ACAP2: variants seen among roughly 807,000 people sequenced by gnomAD.
The protein encoded by ACAP2 is ArfGAP with coiled-coil, ankyrin repeat and PH domains 2.
ACAP2 carries 39 observed loss-of-function variants against 115.8 expected under a neutral mutation model. The ratio of observed to expected loss-of-function variants is 0.34; its 90% CI spans 0.26 to 0.44. The LOEUF (loss-of-function observed/expected upper bound fraction) is 0.44, where lower values mean the gene tolerates loss of function less well. Among genes scored for constraint, ACAP2 ranks in the 20% least tolerant of loss-of-function variants. The pLI is 1.00. For missense variants in ACAP2, 662 were observed against 927.6 expected, an observed-to-expected ratio of 0.71 and a Z score of 3.72; for synonymous variants, 289 against 315.8, an observed-to-expected ratio of 0.92 and a Z score of 0.90.
At chr3:195,428,038 G>C (rs1423322660) in intron 1 of ACAP2, among the ~76,000 whole-genome samples, 2 of 151,266 alleles carry the variant, frequency 1.3e-5, no homozygotes, top group Non-Finnish European at 2.9e-5. Flanking sequence ...CTCTAGAAAA[G>C]TAACATAAAA....
intron 15 of ACAP2, among the ~76,000 whole-genome samples, chr3:195,300,483 G>A (rs1456040433): frequency 2.0e-5 from 3 of 152,118 alleles, no homozygotes; most frequent in Non-Finnish European, 2.9e-5. Context: ...ATCAGAAACC[G>A]GTAGTGGTCT....
intron 1 of ACAP2, among the ~76,000 whole-genome samples, chr3:195,396,807 A>AAG (rs1711825789): frequency 6.6e-6 from 1 of 150,674 alleles, no homozygotes; most frequent in Non-Finnish European, 1.5e-5. Flanking sequence ...AAAAAAAAAA[A>AAG]AAAAAAAGAA....
In ACAP2 at chr3:195,289,148, T is replaced by C; in HGVS notation, c.2147A>G (p.Glu716Gly). 11 of 1,612,418 alleles carry C rather than the reference T, an allele frequency of 6.8e-6. No homozygotes were observed. The highest frequency in any genetic ancestry group is 9.3e-6 in the Non-Finnish European group (11 of 1,179,566). ...EGKDPLSIAVEAANADIVTLL... is the reference protein window; with the variant it reads ...EGKDPLSIAVGAANADIVTLL... ...GGTGACTATATCAGCATTGGCTGCT[T>C]CCACAGCTATGCTCAAAGGGTCTTT... Residue 716 changes from glutamate (E) to glycine (G), a missense_variant, in exon 21 of 23, where the codon GAA becomes GGA. This residue lies in a region of ACAP2 where 128 missense variants were observed against 200.2 expected (regional missense o/e 0.64). Transcript: ENST00000326793.
chr3:195,401,662 T>C (rs1229541583), intron 1 of ACAP2, among the ~76,000 whole-genome samples: 1 of 151,946 alleles, frequency 6.6e-6, no homozygotes, highest in Admixed American at 6.6e-5. Context: ...GAACTCTGTA[T>C]CCAAAACAAA....
chr3:195,431,297 T>C (rs569468352), intron 1 of ACAP2, among the ~76,000 whole-genome samples: 1 of 152,292 alleles, frequency 6.6e-6, no homozygotes, highest in East Asian at 1.9e-4. Context: ...CGGACACAGG[T>C]TGTTTCACTT....
chr3:195,391,253 G>C (rs1013104230), intron 2 of ACAP2, among the ~76,000 whole-genome samples: 7 of 142,222 alleles, frequency 4.9e-5, no homozygotes. Flanking sequence ...TTTTGAGATG[G>C]AGTTTCACTC....
intron 10 of ACAP2, among the ~76,000 whole-genome samples, chr3:195,311,948 ATAT>A (rs1728802061): frequency 6.6e-6 from 1 of 151,380 alleles, no homozygotes; most frequent in Admixed American, 6.6e-5. Flanking sequence ...TAAATTCTAA[ATAT>A]TATACTTTAA....
chr3:195,385,246 CAAAA>C (rs112932639), intron 2 of ACAP2, among the ~76,000 whole-genome samples: 1 of 118,730 alleles, frequency 8.4e-6, no homozygotes, highest in South Asian at 2.6e-4. Context: ...TCTCTGTATT[CAAAA>C]AAAAAAAAAA....
intron 1 of ACAP2, among the ~76,000 whole-genome samples, chr3:195,397,649 C>T (rs931687964): frequency 2.6e-5 from 4 of 151,362 alleles, no homozygotes; most frequent in Admixed American, 1.3e-4. Flanking sequence ...CGCTACTATA[C>T]TTCTTATTAG....
intron 4 of ACAP2, among the ~76,000 whole-genome samples, chr3:195,360,974 G>A (rs1337803267): frequency 7.8e-6 from 1 of 127,610 alleles, no homozygotes; most frequent in Non-Finnish European, 1.6e-5. Flanking sequence ...AAAACAAGTG[G>A]TAAGAAACTC....
intron 1 of ACAP2, 147 bp downstream of exon 1, chr3:195,442,648 C>A (rs1716105806): frequency 2.5e-6 from 2 of 809,562 alleles, no homozygotes; most frequent in Non-Finnish European, 3.7e-6. Context: ...GCAGTGCCCT[C>A]GCAGGGTGGG....
intron 1 of ACAP2, among the ~76,000 whole-genome samples, chr3:195,424,880 C>T (rs561004964): frequency 1.2e-3 from 158 of 132,892 alleles, no homozygotes; most frequent in Middle Eastern, 4.1e-3. Context: ...TGTGCCACTG[C>T]ACTCCAGCCT....
At chr3:195,376,036 C>G (rs980035980) in intron 4 of ACAP2, among the ~76,000 whole-genome samples, 1 of 152,130 alleles carries the variant, frequency 6.6e-6, no homozygotes, top group African/African-American at 2.4e-5. Context: ...ATTCTAATAT[C>G]TAGTAGAATG....
At chr3:195,412,750 T>A (rs1577440131) in intron 1 of ACAP2, 1 of 269,994 alleles carries the variant, frequency 3.7e-6, no homozygotes, top group Admixed American at 4.3e-5. Flanking sequence ...AAACCGTAAC[T>A]GCCTTTGAAA....
At chr3:195,343,663 G>A (rs1731014518) in intron 5 of ACAP2, among the ~76,000 whole-genome samples, 1 of 152,056 alleles carries the variant, frequency 6.6e-6, no homozygotes, top group African/African-American at 2.4e-5. Context: ...TGAAAGAATC[G>A]TTACATCAGC....
intron 12 of ACAP2, chr3:195,306,852 T>TAA (rs36125128): frequency 0.031 from 6,426 of 205,498 alleles, 20 homozygotes; most frequent in Middle Eastern, 0.044. Flanking sequence ...ACTGAATATT[T>TAA]AAAAAAAAAA....
intron 1 of ACAP2, among the ~76,000 whole-genome samples, chr3:195,405,469 G>C (rs759694208): frequency 6.6e-6 from 1 of 152,072 alleles, no homozygotes; most frequent in African/African-American, 2.4e-5. Context: ...GGCAGATCAC[G>C]AGGTCAGGAG....
intron 5 of ACAP2, 86 bp downstream of exon 5, chr3:195,345,173 G>T (rs1577332959): frequency 3.4e-6 from 3 of 895,178 alleles, no homozygotes; most frequent in East Asian, 4.9e-5. Flanking sequence ...ATAATTCATG[G>T]TATATAACTT....
At chr3:195,388,856 T>C (rs1292008911) in intron 2 of ACAP2, among the ~76,000 whole-genome samples, 2 of 152,032 alleles carry the variant, frequency 1.3e-5, no homozygotes, top group African/African-American at 4.8e-5. Context: ...ACCCTGTCTC[T>C]ACTATAAATA....
Sources: gnomAD v4.1 joint callset for allele counts (sites outside exome capture counted in the v4.1 genomes callset) on GRCh38, gnomAD v4.1.1 for gene constraint, gnomAD v4.1.1 regional missense constraint, MANE v1.5 for transcripts, NCBI Gene and HGNC (gene_info 2026-07-23, HGNC 2026-07-21) for gene names.